The following BCR variants were observed in gnomAD, a reference collection of about 807,000 sequenced individuals.
BCR encodes breakpoint cluster region protein.
In BCR, 58 loss-of-function variants were observed where a neutral mutation model predicts 138.6. The ratio of observed to expected loss-of-function variants is 0.42; its 90% CI spans 0.34 to 0.52. The LOEUF (loss-of-function observed/expected upper bound fraction) is 0.52, where lower values mean the gene tolerates loss of function less well. Ranked by LOEUF, BCR falls within the 20% of genes least tolerant of loss-of-function variation. The pLI is 0.06. For missense variants in BCR, 1,599 were observed against 1,727.2 expected, an observed-to-expected ratio of 0.93 and a Z score of 1.32; for synonymous variants, 786 against 730.1, an observed-to-expected ratio of 1.08 and a Z score of -1.23.
Position 23,263,823 on chromosome 22 carries a change from G to A in BCR, c.1752+2283G>A. 3 of 1,189,986 alleles carry A rather than the reference G, an allele frequency of 2.5e-6. No homozygotes were observed. The South Asian group carries it at 3.6e-5, about 14-fold the overall frequency. 73.7% of individuals were successfully genotyped at this position (1,189,986 alleles called of 1,614,324 possible). A position where few individuals can be genotyped will look rare whatever the true frequency, so the allele number is the denominator to read the frequency against. On this transcript the variant is annotated intron_variant, in intron 4 of 22. Transcript: ENST00000305877. ...GTGGCCTTTGGCCTCAGGCCAGCTG[G>A]GGTAGTGTTTATACACCATCCAGAC...
chr22:23,314,148 C>T, intron 21 of BCR, 75 bp downstream of exon 21: 2 of 1,197,368 alleles, frequency 1.7e-6, no homozygotes, highest in South Asian at 1.2e-5. Context: ...TCCCACTAGA[C>T]CCCCAACACC....
At chr22:23,257,305 G>T (rs552903140) in intron 2 of BCR, among the ~76,000 whole-genome samples, 1 of 152,136 alleles carries the variant, frequency 6.6e-6, no homozygotes, top group East Asian at 1.9e-4. Flanking sequence ...TTCAGAACAC[G>T]GAGGGAGAGC....
intron 2 of BCR, among the ~76,000 whole-genome samples, chr22:23,259,640 C>T (rs114952167): frequency 0.012 from 1,901 of 152,122 alleles, 43 homozygotes; most frequent in African/African-American, 0.044. Flanking sequence ...CCTCTGCCTC[C>T]CAAGTAGTGG....
chr22:23,308,221 G>A (rs983562277), intron 16 of BCR, among the ~76,000 whole-genome samples: 3 of 152,118 alleles, frequency 2.0e-5, no homozygotes, highest in Admixed American at 2.0e-4. Context: ...AGAACTACCT[G>A]GGGTTTCTAG....
At chr22:23,272,693 C>G (rs1328848912) in intron 6 of BCR, among the ~76,000 whole-genome samples, 1 of 152,124 alleles carries the variant, frequency 6.6e-6, no homozygotes, top group Admixed American at 6.5e-5. Context: ...GTAAGAGCAG[C>G]TAAGAGGTCT....
chr22:23,263,760 A>G (rs1252871095), intron 4 of BCR: 1 of 1,427,090 alleles, frequency 7.0e-7, no homozygotes, highest in South Asian at 1.1e-5. Flanking sequence ...GGGGCATCAT[A>G]TCATTGTGAG....
At chr22:23,191,495 TC>T (rs1478902010) in intron 1 of BCR, among the ~76,000 whole-genome samples, 1 of 152,242 alleles carries the variant, frequency 6.6e-6, no homozygotes, top group Admixed American at 6.5e-5. Flanking sequence ...CAAAGCATTT[TC>T]CCCTGCGTAT....
intron 13 of BCR, chr22:23,289,920 T>A: frequency 1.9e-6 from 1 of 521,530 alleles, no homozygotes; most frequent in South Asian, 2.2e-5. Context: ...CTGGCCCCAC[T>A]CCCGTCCTCC....
intron 10 of BCR, among the ~76,000 whole-genome samples, chr22:23,286,743 A>G (rs1260944051): frequency 6.6e-6 from 1 of 151,980 alleles, no homozygotes; most frequent in East Asian, 1.9e-4. Flanking sequence ...TGGCATCTCC[A>G]CAAACATGCC....
chr22:23,284,013 C>CTGG lies in BCR; in HGVS notation c.2156_2158dup (p.Val719dup). On this transcript the variant is annotated inframe_insertion, in exon 9 of 23. Coordinates refer to ENST00000305877, the MANE Select transcript of BCR (RefSeq NM_004327.4). ...GCTGAAGGACAGCTTCATGGTGGAG[C>CTGG]TGGTGGAGGGGGCCCGCAAGCTGCG... is the stretch of plus-strand genomic sequence containing the variant. 1 of 1,602,916 alleles carries CTGG rather than the reference C, an allele frequency of 6.2e-7. No homozygotes were observed. Among genetic ancestry groups the CTGG allele is most frequent in the South Asian group, 1.1e-5 (1 of 89,048 alleles).
chr22:23,272,766 C>T (rs2073524171), intron 6 of BCR, among the ~76,000 whole-genome samples: 1 of 152,136 alleles, frequency 6.6e-6, no homozygotes, highest in Admixed American at 6.5e-5. Flanking sequence ...CACCCCAGCC[C>T]GTCCTTGCCA....
chr22:23,191,457 C>CAACAACA (rs895488427), intron 1 of BCR, among the ~76,000 whole-genome samples: 1 of 152,134 alleles, frequency 6.6e-6, no homozygotes, highest in Non-Finnish European at 1.5e-5. Flanking sequence ...TTTAAAACAA[C>CAACAACA]AACAAACAAA....
Position 23,246,692 on chromosome 22 carries a change from G to A in BCR, c.1280-7107G>A, listed in dbSNP as rs989229977. Among the ~76,000 whole-genome samples, 5 of 152,248 alleles carry A rather than the reference G, an allele frequency of 3.3e-5. No homozygotes were observed. In the South Asian group the frequency reaches 8.3e-4, roughly 25 times the overall value. On this transcript the variant is annotated intron_variant, in intron 1 of 22. Transcript: ENST00000305877. ...TAAAAGTTCATGCCCACTCAGGTGC[G>A]TATTCCAAGAGATGATACGTGGGTT...
At chr22:23,240,341 G>GTC (rs1555878022) in intron 1 of BCR, among the ~76,000 whole-genome samples, 15 of 146,004 alleles carry the variant, frequency 1.0e-4, no homozygotes, top group Admixed American at 2.7e-4. Context: ...GTGTGTGTGT[G>GTC]TGTCTGTCTA....
In BCR at chr22:23,314,784, C is replaced by G. The variant is rs574551256; in HGVS notation, c.3726+70C>G. On this transcript the variant is annotated intron_variant, in intron 22 of 22. Coordinates refer to ENST00000305877, the MANE Select transcript of BCR (RefSeq NM_004327.4). ...AGGTGGCCTCTGCCTGCCCCACCCCCAGTCCTGCCCATCTTCTTACTTGCA... is the reference window on the plus strand; with the variant it reads ...AGGTGGCCTCTGCCTGCCCCACCCCGAGTCCTGCCCATCTTCTTACTTGCA... The G allele has an allele frequency of 9.6e-6, 15 of 1,555,852 alleles. No homozygotes were observed. The East Asian group carries it at 1.8e-4, about 19-fold the overall frequency.
chr22:23,236,417 G>T (rs1568947199), intron 1 of BCR, among the ~76,000 whole-genome samples: 1 of 152,218 alleles, frequency 6.6e-6, no homozygotes, highest in Non-Finnish European at 1.5e-5. Context: ...CAGGTGAGGA[G>T]AGTGGTGTGA....
At chr22:23,204,186 C>T (rs2072586113) in intron 1 of BCR, among the ~76,000 whole-genome samples, 1 of 152,152 alleles carries the variant, frequency 6.6e-6, no homozygotes, top group Admixed American at 6.5e-5. Flanking sequence ...CAACTAGGAG[C>T]CAGCAGTTCA....
chr22:23,246,364 C>T (rs971957902), intron 1 of BCR, among the ~76,000 whole-genome samples: 1 of 152,186 alleles, frequency 6.6e-6, no homozygotes, highest in Non-Finnish European at 1.5e-5. Context: ...CCCAGGAGTT[C>T]GAGACTATGG....
intron 2 of BCR, among the ~76,000 whole-genome samples, chr22:23,258,718 C>A (rs2073323497): frequency 6.6e-6 from 1 of 152,200 alleles, no homozygotes; most frequent in Non-Finnish European, 1.5e-5. Context: ...GGATGCTGCA[C>A]AGAATCCTGC....
Sources: gnomAD v4.1 joint callset for allele counts (sites outside exome capture counted in the v4.1 genomes callset) on GRCh38, gnomAD v4.1.1 for gene constraint, MANE v1.5 for transcripts, NCBI Gene and HGNC (gene_info 2026-07-23, HGNC 2026-07-21) for gene names.